Variants in CDK1 observed in about 807,000 individuals in gnomAD.
The protein encoded by CDK1 is cyclin dependent kinase 1, also known as cyclin-dependent kinase 1.
Under a neutral mutation model 34.6 loss-of-function variants are expected in CDK1, and 5 were observed. The observed-to-expected ratio is 0.14, with a 90% CI of 0.08 to 0.30. The LOEUF (loss-of-function observed/expected upper bound fraction) is 0.30. Among genes scored for constraint, CDK1 ranks in the 10% least tolerant of loss-of-function variants. CDK1 has a pLI of 1.00. For missense variants in CDK1, 157 were observed against 345.7 expected, an observed-to-expected ratio of 0.45 and a Z score of 4.33; for synonymous variants, 108 against 114.7, an observed-to-expected ratio of 0.94 and a Z score of 0.37.
At chr10:60,786,332 A>ATT in intron 4 of CDK1, 15 of 757,492 alleles carry the variant, frequency 2.0e-5, no homozygotes, top group Non-Finnish European at 2.4e-5. Context: ...GTATATAAAG[A>ATT]TTTTTTTTTT....
At chr10:60,781,921 C>T (rs973015459) in intron 2 of CDK1, among the ~76,000 whole-genome samples, 1 of 152,166 alleles carries the variant, frequency 6.6e-6, no homozygotes. Context: ...ATCTGTTTTC[C>T]TTGTTTGCTC....
intron 4 of CDK1, chr10:60,786,245 C>G: frequency 1.0e-6 from 1 of 971,610 alleles, no homozygotes; most frequent in Non-Finnish European, 1.2e-6. Context: ...TGCACCAGTT[C>G]TACCAAACCA....
At chr10:60,782,325 C>A (rs927014378) in intron 2 of CDK1, among the ~76,000 whole-genome samples, 3 of 151,944 alleles carry the variant, frequency 2.0e-5, no homozygotes, top group African/African-American at 7.3e-5. Context: ...CAGTCTCTGC[C>A]TTTTCTCTCA....
intron 4 of CDK1, chr10:60,786,208 C>T: frequency 1.1e-6 from 1 of 897,960 alleles, no homozygotes; most frequent in South Asian, 5.1e-5. Flanking sequence ...GTTTTAAGTA[C>T]TGAAGTATAT....
intron 3 of CDK1, 35 bp downstream of exon 3, chr10:60,784,896 G>A: frequency 1.3e-6 from 2 of 1,563,226 alleles, no homozygotes; most frequent in Non-Finnish European, 1.8e-6. Flanking sequence ...GCCATTTTCT[G>A]CATGCTATTT....
At chr10:60,785,596 T>G (rs948329445) in intron 3 of CDK1, 68 bp from the exon 4 acceptor site, 1 of 948,934 alleles carries the variant, frequency 1.1e-6, no homozygotes, top group Non-Finnish European at 1.6e-6. Context: ...ATGGAAGGAG[T>G]TTTATTTTGT....
intron 5 of CDK1, among the ~76,000 whole-genome samples, chr10:60,789,731 A>C (rs186526083): frequency 6.6e-6 from 1 of 152,186 alleles, no homozygotes; most frequent in Admixed American, 6.5e-5. Flanking sequence ...TCTCTTTGAC[A>C]TAATTGATTT....
At chr10:60,782,395 T>C (rs2080280392) in intron 2 of CDK1, among the ~76,000 whole-genome samples, 1 of 152,212 alleles carries the variant, frequency 6.6e-6, no homozygotes, top group African/African-American at 2.4e-5. Context: ...CTTTACTATT[T>C]TAAATATTAC....
In CDK1 at chr10:60,794,183, A is replaced by G; in HGVS notation, c.*208A>G. Reference sequence around the variant, plus strand: ...GTAAATGTGTGTAGGTCTCACTGTAACAACTATTTGTTACTATAATAAAAC... The same window carrying G: ...GTAAATGTGTGTAGGTCTCACTGTAGCAACTATTTGTTACTATAATAAAAC... On this transcript the variant is annotated 3_prime_UTR_variant, in exon 8 of 8. Coordinates refer to ENST00000395284, the MANE Select transcript of CDK1 (RefSeq NM_001786.5). 2.9e-6 allele frequency: 1 copy of G among 341,012 alleles called. No homozygotes were observed. The highest frequency in any genetic ancestry group is 5.2e-6 in the Non-Finnish European group (1 of 192,848). The allele number at this position is 341,012 out of a possible 1,614,324, so 21.1% of individuals were successfully genotyped here. A position where few individuals can be genotyped will look rare whatever the true frequency, so the allele number is the denominator to read the frequency against.
chr10:60,784,111 T>G (rs2080295154), intron 2 of CDK1, among the ~76,000 whole-genome samples: 1 of 152,232 alleles, frequency 6.6e-6, no homozygotes, highest in African/African-American at 2.4e-5. Flanking sequence ...TAATTTTAAT[T>G]TGCAAATGAT....
At chr10:60,784,949 T>A (rs1281365975) in intron 3 of CDK1, 88 bp downstream of exon 3, 5 of 1,282,222 alleles carry the variant, frequency 3.9e-6, no homozygotes, top group Non-Finnish European at 5.6e-6. Flanking sequence ...TTTGCTCAAT[T>A]TCTTGGTCTA....
intron 4 of CDK1, chr10:60,787,077 T>A (rs892138368): frequency 1.7e-5 from 17 of 984,894 alleles, no homozygotes; most frequent in Non-Finnish European, 2.0e-5. Flanking sequence ...TCCAAATGGC[T>A]AGCCAGTTGT....
chr10:60,784,183 T>G (rs1277873821), intron 2 of CDK1, among the ~76,000 whole-genome samples: 1 of 152,254 alleles, frequency 6.6e-6, no homozygotes, highest in East Asian at 1.9e-4. Flanking sequence ...AGAAAACTTG[T>G]GATGACTACA....
intron 5 of CDK1, among the ~76,000 whole-genome samples, chr10:60,789,999 T>C (rs2080347990): frequency 6.6e-6 from 1 of 152,268 alleles, no homozygotes; most frequent in South Asian, 2.1e-4. Flanking sequence ...TGAATAGTGA[T>C]GTTGAGCACT....
intron 2 of CDK1, chr10:60,783,411 A>G (rs574074126): frequency 6.6e-6 from 1 of 152,302 alleles, no homozygotes; most frequent in East Asian, 1.9e-4. Context: ...TCAATTTGCT[A>G]CTGCTCAAAC....
chr10:60,785,930 A>G, intron 4 of CDK1, 143 bp downstream of exon 4: 1 of 1,287,078 alleles, frequency 7.8e-7, no homozygotes, highest in Middle Eastern at 3.0e-4. Flanking sequence ...CCTCATGGTT[A>G]GTTTATACAG....
chr10:60,782,539 C>T (rs1363585510), intron 2 of CDK1, among the ~76,000 whole-genome samples: 3 of 152,054 alleles, frequency 2.0e-5, no homozygotes, highest in Non-Finnish European at 4.4e-5. Context: ...TGGAACCTTG[C>T]CTGGCATTTA....
At position 60,794,845 on chromosome 10, in the gene CDK1, A is replaced by G. The variant is rs1379835982; in HGVS notation, c.*870A>G. On this transcript the variant is annotated 3_prime_UTR_variant, in exon 8 of 8. Coordinates refer to ENST00000395284, the MANE Select transcript of CDK1 (RefSeq NM_001786.5). The stretch of plus-strand genomic sequence containing the variant: ...CTAGCTTTGGGAATTAAACTGTTTA[A>G]CAAATAATGCTGCTCATTGTGATTC... 1 of 152,178 alleles carries G rather than the reference A, an allele frequency of 6.6e-6. No homozygotes were observed. Among genetic ancestry groups the G allele is most frequent in the Admixed American group, 6.5e-5 (1 of 15,274 alleles). The allele number at this position is 152,178 out of a possible 1,614,324, so 9.4% of individuals were successfully genotyped here.
intron 4 of CDK1, chr10:60,786,351 GT>G: frequency 1.2e-6 from 1 of 865,616 alleles, no homozygotes; most frequent in Non-Finnish European, 1.4e-6. Context: ...TTTACACAAG[GT>G]GGACTTATTT....
Sources: gnomAD v4.1 joint callset for allele counts (sites outside exome capture counted in the v4.1 genomes callset) on GRCh38, gnomAD v4.1.1 for gene constraint, MANE v1.5 for transcripts, NCBI Gene and HGNC (gene_info 2026-07-23, HGNC 2026-07-21) for gene names.